Variants in FBXW7 observed in about 807,000 individuals in gnomAD.
The protein encoded by FBXW7 is F-box and WD repeat domain containing 7.
A neutral mutation model predicts 86.3 loss-of-function variants in FBXW7; 11 were observed. That is an observed-to-expected ratio of 0.13 (90% CI 0.08 to 0.21). FBXW7 has a LOEUF of 0.21. FBXW7 is among the 10% of genes least tolerant of loss of function. The pLI is 1.00. For missense variants in FBXW7, 488 were observed against 847.4 expected (o/e 0.58, Z 5.27); for synonymous variants, 313 against 297.9 (o/e 1.05, Z -0.52).
At chr4:152,441,169 A>G (rs1374784466) in intron 2 of FBXW7, among the ~76,000 whole-genome samples, 1 of 152,174 alleles carries the variant, frequency 6.6e-6, no homozygotes, top group Non-Finnish European at 1.5e-5. Flanking sequence ...GAGATGACTG[A>G]AGCTTTCAGA....
chr4:152,495,549 T>C (rs1051040131), intron 2 of FBXW7, among the ~76,000 whole-genome samples: 3 of 152,198 alleles, frequency 2.0e-5, no homozygotes, highest in Non-Finnish European at 4.4e-5. Context: ...TAAAAATATA[T>C]ATATTAGGCT....
At chr4:152,358,581 T>C (rs1174281174) in intron 4 of FBXW7, among the ~76,000 whole-genome samples, 3 of 152,032 alleles carry the variant, frequency 2.0e-5, no homozygotes, top group Non-Finnish European at 2.9e-5. Context: ...TAGAGTGATT[T>C]TGGATGTCAT....
At chr4:152,476,162 C>G (rs1254648268) in intron 2 of FBXW7, among the ~76,000 whole-genome samples, 1 of 152,084 alleles carries the variant, frequency 6.6e-6, no homozygotes, top group Non-Finnish European at 1.5e-5. Context: ...ATAAATCCAG[C>G]AAAATATACT....
intron 2 of FBXW7, among the ~76,000 whole-genome samples, chr4:152,422,028 G>GA (rs757813131): frequency 9.2e-5 from 14 of 151,930 alleles, no homozygotes; most frequent in Non-Finnish European, 1.8e-4. Flanking sequence ...TGAGCTGCTG[G>GA]AAAATGGCAC....
rs564333199 is a variant in FBXW7 at position 152,388,750 on chromosome 4, T to C, written c.501+22553A>G. On this transcript the variant is annotated intron_variant, in intron 4 of 13. Transcript: ENST00000281708. Reference sequence around the variant, plus strand: ...ATTTCTACAAAGAGGAGGCTAAATATTTAATAGATATAGACTATCTGACTT... The same window carrying C: ...ATTTCTACAAAGAGGAGGCTAAATACTTAATAGATATAGACTATCTGACTT... Among the ~76,000 whole-genome samples the C allele has an allele frequency of 4.6e-5, 7 of 152,270 alleles. No homozygotes were observed. In the South Asian group the frequency reaches 1.2e-3, roughly 27 times the overall value.
chr4:152,512,307 G>T lies in FBXW7; in HGVS notation c.-120+22634C>A, dbSNP rs368630992. On this transcript the variant is annotated intron_variant, in intron 2 of 13. Coordinates refer to ENST00000281708, the MANE Select transcript of FBXW7 (RefSeq NM_001349798.2). ...AGACACAGTAAACAACAACAAGATG[G>T]AAAATAAGAGTGGAAAAGAAAGTAA... Among the ~76,000 whole-genome samples the T allele has an allele frequency of 1.1e-3, 172 of 152,242 alleles. 1 individual carries two copies. Among genetic ancestry groups the T allele is most frequent in the African/African-American group, 4.0e-3 (165 of 41,530 alleles).
intron 2 of FBXW7, among the ~76,000 whole-genome samples, chr4:152,528,335 T>C (rs1247537625): frequency 6.6e-6 from 1 of 152,280 alleles, no homozygotes; most frequent in South Asian, 2.1e-4. Context: ...TTAGGTCTGA[T>C]GGGGGAAGAG....
intron 2 of FBXW7, among the ~76,000 whole-genome samples, chr4:152,532,237 C>CT (rs1167896269): frequency 1.3e-5 from 2 of 152,176 alleles, no homozygotes; most frequent in Non-Finnish European, 2.9e-5. Context: ...TTTCTAAACT[C>CT]TTTTTTGTAA....
intron 2 of FBXW7, among the ~76,000 whole-genome samples, chr4:152,464,086 G>A (rs1198946033): frequency 1.3e-5 from 2 of 152,168 alleles, no homozygotes; most frequent in South Asian, 4.1e-4. Context: ...GGCCAGATCC[G>A]TCCAGCTAAT....
In FBXW7 at chr4:152,326,123, A is replaced by G; in HGVS notation, c.1527T>C (p.Tyr509=). 1 of 1,613,424 alleles carries G rather than the reference A, an allele frequency of 6.2e-7. No homozygotes were observed. Among genetic ancestry groups the G allele is most frequent in the Non-Finnish European group, 8.5e-7 (1 of 1,179,590 alleles). The change falls in exon 12 of 14, where the codon TAT becomes TAC. Residue 509 remains tyrosine, a synonymous_variant. Transcript: ENST00000281708. The part of the protein sequence containing the change: ...GHVAAVRCVQ[Y]DGRRVVSGAY... Reference sequence around the variant, plus strand: ...CTCCACTAACAACCCTCCTGCCATCATATTGAACACAGCGGACTGCTGCAA... The same window carrying G: ...CTCCACTAACAACCCTCCTGCCATCGTATTGAACACAGCGGACTGCTGCAA...
chr4:152,506,541 A>G (rs1231253841), intron 2 of FBXW7, among the ~76,000 whole-genome samples: 3 of 152,234 alleles, frequency 2.0e-5, no homozygotes, highest in Admixed American at 6.5e-5. Flanking sequence ...CTATGATATC[A>G]CTAAGCAATA....
intron 2 of FBXW7, among the ~76,000 whole-genome samples, chr4:152,456,627 T>C (rs913999094): frequency 5.9e-5 from 9 of 152,150 alleles, no homozygotes; most frequent in African/African-American, 2.2e-4. Context: ...TAGGTAAAGA[T>C]GTTCAACATA....
At chr4:152,496,623 A>G (rs545572292) in intron 2 of FBXW7, among the ~76,000 whole-genome samples, 1 of 152,142 alleles carries the variant, frequency 6.6e-6, no homozygotes, top group South Asian at 2.1e-4. Flanking sequence ...GGTTGCAGTG[A>G]GCCGAGATCA....
At chr4:152,401,813 G>A (rs1736957100) in intron 4 of FBXW7, among the ~76,000 whole-genome samples, 3 of 152,184 alleles carry the variant, frequency 2.0e-5, no homozygotes, top group African/African-American at 7.2e-5. Flanking sequence ...ATTCAACTTT[G>A]CTGTGAATCT....
In FBXW7 at chr4:152,320,620, A is replaced by G. The variant is rs1728502420; in HGVS notation, c.*2261T>C. On this transcript the variant is annotated 3_prime_UTR_variant, in exon 14 of 14. Transcript: ENST00000281708. ...TTATAAAATTTAGATTTGTTGAACA[A>G]AACGGCTACAGAACAGTCAGAAAGT... The G allele has an allele frequency of 3.3e-5, 5 of 152,124 alleles. No individual in the cohort carries two copies. In the South Asian group the frequency reaches 1.0e-3, roughly 32 times the overall value. 9.4% of individuals were successfully genotyped at this position (152,124 alleles called of 1,614,324 possible). A position where few individuals can be genotyped will look rare whatever the true frequency, so the allele number is the denominator to read the frequency against.
intron 2 of FBXW7, among the ~76,000 whole-genome samples, chr4:152,422,543 C>T (rs1739036433): frequency 6.6e-6 from 1 of 152,164 alleles, no homozygotes; most frequent in Non-Finnish European, 1.5e-5. Context: ...TAGACTATTA[C>T]TGATGAAGCT....
At chr4:152,426,772 C>T (rs1739426793) in intron 2 of FBXW7, among the ~76,000 whole-genome samples, 1 of 152,172 alleles carries the variant, frequency 6.6e-6, no homozygotes, top group African/African-American at 2.4e-5. Flanking sequence ...CCTCTGTGAA[C>T]TTTCAAAACC....
chr4:152,461,675 A>C (rs1469218937), intron 2 of FBXW7, among the ~76,000 whole-genome samples: 2 of 152,180 alleles, frequency 1.3e-5, no homozygotes, highest in Non-Finnish European at 2.9e-5. Context: ...TCATATTTCC[A>C]CTTTATTTGC....
chr4:152,448,119 A>G (rs753843287), intron 2 of FBXW7, among the ~76,000 whole-genome samples: 1 of 152,256 alleles, frequency 6.6e-6, no homozygotes, highest in Non-Finnish European at 1.5e-5. Context: ...CTTTAAAATA[A>G]GTGCTGCTGC....
Sources: gnomAD v4.1 joint callset for allele counts (sites outside exome capture counted in the v4.1 genomes callset) on GRCh38, gnomAD v4.1.1 for gene constraint, MANE v1.5 for transcripts, NCBI Gene and HGNC (gene_info 2026-07-23, HGNC 2026-07-21) for gene names.